The following ANGPTL1 variants were observed in gnomAD, a reference collection of about 807,000 sequenced individuals.
The protein encoded by ANGPTL1 is angiopoietin like 1, also known as angiopoietin-related protein 1.
In ANGPTL1, 36 loss-of-function variants were observed where a neutral mutation model predicts 46.7. The ratio of observed to expected loss-of-function variants is 0.77; its 90% CI spans 0.59 to 1.02. The LOEUF (loss-of-function observed/expected upper bound fraction) is 1.02. ANGPTL1 is among the 50% of genes least tolerant of loss of function. The pLI, the probability that ANGPTL1 is intolerant of heterozygous loss-of-function variation, is 0.00. For synonymous variants in ANGPTL1, 221 were observed against 204.3 expected (o/e 1.08, Z -0.69); for missense variants, 571 against 594.7 (o/e 0.96, Z 0.41).
intron 3 of ANGPTL1, among the ~76,000 whole-genome samples, chr1:178,860,645 A>G (rs971152657): frequency 6.6e-6 from 1 of 152,196 alleles, no homozygotes; most frequent in Admixed American, 6.5e-5. Context: ...CTTTCTGTCT[A>G]TGAATTTGAC....
chr1:178,869,827 T>G (rs1434310747), intron 1 of ANGPTL1, among the ~76,000 whole-genome samples: 1 of 152,102 alleles, frequency 6.6e-6, no homozygotes, highest in African/African-American at 2.4e-5. Flanking sequence ...GGCATACTAT[T>G]GGTAACGAGT....
At position 178,871,066 on chromosome 1, in the gene ANGPTL1, T is replaced by A. The variant is rs1658730164; in HGVS notation, c.-462A>T. On this transcript the variant is annotated 5_prime_UTR_variant, in exon 1 of 6. Coordinates refer to ENST00000234816, the MANE Select transcript of ANGPTL1 (RefSeq NM_004673.4). The stretch of plus-strand genomic sequence containing the variant: ...GTAACCAGCTGCAGCTGACCCAGAT[T>A]GTATATACAGTACCCCTGAATAGTG... 1 of 152,172 alleles carries A rather than the reference T, an allele frequency of 6.6e-6. No individual in the cohort carries two copies. Among genetic ancestry groups the A allele is most frequent in the Admixed American group, 6.6e-5 (1 of 15,244 alleles). 9.4% of individuals were successfully genotyped at this position (152,172 alleles called of 1,614,324 possible). A position where few individuals can be genotyped will look rare whatever the true frequency, so the allele number is the denominator to read the frequency against.
chr1:178,859,797 A>G, intron 3 of ANGPTL1, among the ~76,000 whole-genome samples: 1 of 95,602 alleles, frequency 1.0e-5, no homozygotes, highest in African/African-American at 4.2e-5. Context: ...TCCCGGGTTC[A>G]TGCCATTCTC....
In ANGPTL1 at chr1:178,865,144, C is replaced by T; in HGVS notation, c.633G>A (p.Val211=). ...LRIFSRQDTH[V]SPPLVQVVPQ... ...GCACCACCTGGACAAGTGGGGGAGA[C>T]ACATGGGTGTCTTGTCGGGAAAATA... The change falls in exon 3 of 6, where the codon GTG becomes GTA. Residue 211 remains valine, a synonymous_variant. Transcript: ENST00000234816. 1 of 1,599,952 alleles carries T rather than the reference C, an allele frequency of 6.3e-7. No homozygotes were observed. The highest frequency in any genetic ancestry group is 8.5e-7 in the Non-Finnish European group (1 of 1,171,364).
intron 5 of ANGPTL1, 149 bp from the exon 6 acceptor site, chr1:178,851,465 C>A: frequency 1.5e-6 from 1 of 648,726 alleles, no homozygotes; most frequent in South Asian, 3.2e-5. Context: ...CCTTCACTTA[C>A]TTGATGGCTG....
At chr1:178,859,061 T>C (rs1043698651) in intron 3 of ANGPTL1, among the ~76,000 whole-genome samples, 2 of 152,192 alleles carry the variant, frequency 1.3e-5, no homozygotes, top group Non-Finnish European at 2.9e-5. Context: ...CTTTCTGAAG[T>C]GACAGTAGGG....
chr1:178,853,061 G>A (rs1657290346), intron 4 of ANGPTL1, 108 bp from the exon 5 acceptor site: 3 of 1,462,982 alleles, frequency 2.1e-6, no homozygotes, highest in Non-Finnish European at 2.7e-6. Context: ...GGCCATTTAA[G>A]TGGTAATGTG....
chr1:178,853,464 T>C (rs1657315620), intron 4 of ANGPTL1, 130 bp downstream of exon 4: 6 of 839,986 alleles, frequency 7.1e-6, no homozygotes, highest in Non-Finnish European at 1.0e-5. Context: ...TTGACAGATG[T>C]AGATAATGAA....
chr1:178,853,278 G>T (rs1209442174), intron 4 of ANGPTL1: 1 of 923,682 alleles, frequency 1.1e-6, no homozygotes. Context: ...CTTAAAAAGG[G>T]TTCCTGGTCT....
rs144366166 is a variant in ANGPTL1, at chr1:178,865,136, G to A, written c.641C>T (p.Pro214Leu). 3.1e-6 allele frequency: 5 copies of A among 1,595,176 alleles called. No homozygotes were observed. The South Asian group carries it at 3.4e-5, about 11-fold the overall frequency. Residue 214 changes from proline to leucine, a missense_variant, in exon 3 of 6, where the codon CCA becomes CTA. Transcript: ENST00000234816. ...ATGTTGTGGCACCACCTGGACAAGTGGGGGAGACACATGGGTGTCTTGTCG... is the reference window on the plus strand; with the variant it reads ...ATGTTGTGGCACCACCTGGACAAGTAGGGGAGACACATGGGTGTCTTGTCG... Reference protein sequence around the residue: ...FSRQDTHVSPPLVQVVPQHIP... With the variant: ...FSRQDTHVSPLLVQVVPQHIP...
chr1:178,854,994 A>G (rs908884990), intron 3 of ANGPTL1, among the ~76,000 whole-genome samples: 4 of 152,136 alleles, frequency 2.6e-5, no homozygotes, highest in Non-Finnish European at 4.4e-5. Context: ...GAATTACCCT[A>G]AAGATCTCTT....
At chr1:178,856,196 GAGAGAGATATATATATATATATATATAT>G (rs1458714871) in intron 3 of ANGPTL1, among the ~76,000 whole-genome samples, 3 of 41,054 alleles carry the variant, frequency 7.3e-5, no homozygotes, top group Non-Finnish European at 1.0e-4. Context: ...TTTCCAGAGA[GAGAGAGATATATATATATATATATATAT>G]ATATATATAT....
Position 178,851,301 on chromosome 1 carries a change from A to C in ANGPTL1, c.1304T>G (p.Phe435Cys). ...ATTGTACCACCAGCCTCCTTTATGAAAGTGGGCGCAGTTTCCTTTGAGGAA... is the reference window on the plus strand; with the variant it reads ...ATTGTACCACCAGCCTCCTTTATGACAGTGGGCGCAGTTTCCTTTGAGGAA... ...KDMYAGNCAH[F>C]HKGGWWYNAC... The change falls in exon 6 of 6, where the codon TTT (phenylalanine) becomes TGT (cysteine). Residue 435 changes from phenylalanine to cysteine, a missense_variant. Transcript: ENST00000234816. 6.2e-7 allele frequency: 1 copy of C among 1,609,620 alleles called. No homozygotes were observed. Among genetic ancestry groups the C allele is most frequent in the Non-Finnish European group, 8.5e-7 (1 of 1,178,268 alleles).
intron 2 of ANGPTL1, among the ~76,000 whole-genome samples, chr1:178,867,433 A>G (rs1291388947): frequency 6.6e-6 from 1 of 152,090 alleles, no homozygotes; most frequent in Admixed American, 6.6e-5. Flanking sequence ...CATGTTAACT[A>G]TTTGCATTTA....
chr1:178,864,505 T>C (rs1381331744), intron 3 of ANGPTL1, among the ~76,000 whole-genome samples: 1 of 152,132 alleles, frequency 6.6e-6, no homozygotes, highest in Non-Finnish European at 1.5e-5. Flanking sequence ...GAGGTGTAAT[T>C]ACAGCTTGAA....
At chr1:178,854,867 T>C (rs1357093012) in intron 3 of ANGPTL1, among the ~76,000 whole-genome samples, 2 of 152,178 alleles carry the variant, frequency 1.3e-5, no homozygotes, top group Non-Finnish European at 2.9e-5. Context: ...ACTTTTAGGG[T>C]GTCTGACTCT....
At chr1:178,860,771 T>G (rs1657948866) in intron 3 of ANGPTL1, among the ~76,000 whole-genome samples, 1 of 152,174 alleles carries the variant, frequency 6.6e-6, no homozygotes, top group Admixed American at 6.5e-5. Context: ...TGTGGAGACT[T>G]TAGAATGACC....
intron 3 of ANGPTL1, among the ~76,000 whole-genome samples, chr1:178,855,320 T>C (rs976056488): frequency 6.0e-5 from 9 of 150,742 alleles, no homozygotes; most frequent in African/African-American, 2.2e-4. Context: ...TTTTACTTCA[T>C]ATCATCAGTG....
chr1:178,860,065 A>G (rs1024994617), intron 3 of ANGPTL1, among the ~76,000 whole-genome samples: 5 of 152,072 alleles, frequency 3.3e-5, no homozygotes, highest in African/African-American at 1.2e-4. Flanking sequence ...GCTTTGCCAG[A>G]ATCCAAGTTT....
Sources: allele counts gnomAD v4.1 joint callset (sites outside exome capture counted in the v4.1 genomes callset), GRCh38; gene constraint gnomAD v4.1.1; transcripts MANE v1.5; gene names NCBI Gene and HGNC (gene_info 2026-07-23, HGNC 2026-07-21).